Variants in VPS35L observed in about 807,000 individuals in gnomAD.
VPS35L encodes VPS35 endosomal protein-sorting factor-like.
In VPS35L, 83 loss-of-function variants were observed where a neutral mutation model predicts 133.0. The observed-to-expected ratio is 0.62, with a 90% CI of 0.52 to 0.75. VPS35L has a LOEUF of 0.75. VPS35L is among the 30% of genes least tolerant of loss of function. The probability of loss-of-function intolerance (pLI) is 0.00; values close to 1 mark genes in which losing one functional copy is unlikely to be tolerated. For missense variants in VPS35L, 1,083 were observed against 1,206.8 expected, an observed-to-expected ratio of 0.90 and a Z score of 1.52; for synonymous variants, 423 against 449.9, an observed-to-expected ratio of 0.94 and a Z score of 0.76.
At chr16:19,666,022 G>A (rs1597411023) in intron 26 of VPS35L, among the ~76,000 whole-genome samples, 1 of 151,512 alleles carries the variant, frequency 6.6e-6, no homozygotes, top group Non-Finnish European at 1.5e-5. Context: ...TTTAAAATCT[G>A]ATTATTAGAT....
At chr16:19,592,770 C>G (rs979393430) in intron 8 of VPS35L, among the ~76,000 whole-genome samples, 3 of 151,254 alleles carry the variant, frequency 2.0e-5, no homozygotes, top group African/African-American at 7.3e-5. Context: ...ACTGCAACCT[C>G]TGCCTCCGGG....
At chr16:19,624,107 CTTTTTTTTTTTTTTTT>C in intron 14 of VPS35L, among the ~76,000 whole-genome samples, 1 of 65,866 alleles carries the variant, frequency 1.5e-5, no homozygotes, top group South Asian at 5.5e-4. Flanking sequence ...CCTACCAGGT[CTTTTTTTTTTTTTTTT>C]TTTTTTTTTT....
intron 27 of VPS35L, among the ~76,000 whole-genome samples, chr16:19,670,644 A>C (rs1428230237): frequency 6.6e-6 from 1 of 152,188 alleles, no homozygotes; most frequent in Non-Finnish European, 1.5e-5. Flanking sequence ...TGTTGGAAGG[A>C]TGCTGGGTTT....
chr16:19,615,643 C>G (rs1972862237), intron 12 of VPS35L, among the ~76,000 whole-genome samples: 1 of 148,776 alleles, frequency 6.7e-6, no homozygotes, highest in Non-Finnish European at 1.5e-5. Flanking sequence ...GAGCGAGACT[C>G]TGTCTCAAAA....
At chr16:19,632,152 G>A (rs555512938) in intron 18 of VPS35L, among the ~76,000 whole-genome samples, 3 of 151,620 alleles carry the variant, frequency 2.0e-5, no homozygotes, top group East Asian at 3.9e-4. Flanking sequence ...TAGTAGAGAC[G>A]GGGTTTCACC....
chr16:19,691,493 C>T lies in VPS35L; in HGVS notation c.2646+22C>T, dbSNP rs746808158. The T allele has an allele frequency of 7.6e-6, 12 of 1,569,712 alleles. No homozygotes were observed. The African/African-American group carries it at 1.4e-4, about 18-fold the overall frequency. ...CGAGGTGGGTGCCCTCTGCTGTCCT[C>T]CACCCGCCCCTTGCTCTGAAAGCAC... On this transcript the variant is annotated intron_variant, in intron 29 of 30. Coordinates refer to ENST00000417362, the MANE Select transcript of VPS35L (RefSeq NM_020314.7).
At chr16:19,661,071 T>C (rs114656271) in intron 26 of VPS35L, among the ~76,000 whole-genome samples, 18,958 of 136,252 alleles carry the variant, frequency 0.14, 1,965 homozygotes, top group African/African-American at 0.37. Flanking sequence ...TATTCTTATA[T>C]ATATATATAT....
At chr16:19,680,984 G>A (rs1476266576) in intron 27 of VPS35L, among the ~76,000 whole-genome samples, 2 of 150,454 alleles carry the variant, frequency 1.3e-5, no homozygotes, top group African/African-American at 2.4e-5. Context: ...GGAATGTCAG[G>A]GAAGGCCTCA....
chr16:19,689,365 C>T (rs1482467941), intron 28 of VPS35L, among the ~76,000 whole-genome samples: 1 of 151,588 alleles, frequency 6.6e-6, no homozygotes, highest in African/African-American at 2.4e-5. Context: ...CTGCCTCCTG[C>T]GTTCAAGCGA....
At chr16:19,690,292 G>T (rs1223073156) in intron 28 of VPS35L, among the ~76,000 whole-genome samples, 2 of 152,158 alleles carry the variant, frequency 1.3e-5, no homozygotes, top group African/African-American at 4.8e-5. Flanking sequence ...TATGCTCTGT[G>T]TGAAGTTCAG....
chr16:19,645,751 G>A (rs1420996056), intron 23 of VPS35L, among the ~76,000 whole-genome samples: 1 of 152,128 alleles, frequency 6.6e-6, no homozygotes, highest in African/African-American at 2.4e-5. Flanking sequence ...CATGGGTCGT[G>A]GCCCCAAGCA....
At chr16:19,614,717 AGTT>A (rs770935886) in intron 12 of VPS35L, among the ~76,000 whole-genome samples, 8 of 152,098 alleles carry the variant, frequency 5.3e-5, no homozygotes, top group Non-Finnish European at 1.0e-4. Flanking sequence ...CAGCCTACGA[AGTT>A]GTTTTTGCGG....
intron 26 of VPS35L, among the ~76,000 whole-genome samples, chr16:19,667,321 G>A (rs1974727023): frequency 6.6e-6 from 1 of 152,094 alleles, no homozygotes; most frequent in Non-Finnish European, 1.5e-5. Flanking sequence ...ACCCTTTCTG[G>A]AAGGTTTCTC....
At chr16:19,689,535 A>G (rs1318697800) in intron 28 of VPS35L, among the ~76,000 whole-genome samples, 2 of 151,960 alleles carry the variant, frequency 1.3e-5, no homozygotes, top group Non-Finnish European at 1.5e-5. Flanking sequence ...GCCTCTCACA[A>G]TGCTCAGATT....
At chr16:19,631,052 C>G (rs1205124096) in intron 18 of VPS35L, among the ~76,000 whole-genome samples, 2 of 151,990 alleles carry the variant, frequency 1.3e-5, no homozygotes, top group Non-Finnish European at 2.9e-5. Context: ...TGCTCACTGT[C>G]CCCTTCCATC....
chr16:19,647,082 TC>T (rs1377591089), intron 23 of VPS35L, among the ~76,000 whole-genome samples: 2 of 152,224 alleles, frequency 1.3e-5, no homozygotes, highest in Non-Finnish European at 2.9e-5. Context: ...GGGTAAAATA[TC>T]AATTTTGATG....
At chr16:19,698,562 G>A (rs1975997783) in intron 29 of VPS35L, among the ~76,000 whole-genome samples, 1 of 152,162 alleles carries the variant, frequency 6.6e-6, no homozygotes, top group Admixed American at 6.5e-5. Context: ...TTCTATCATG[G>A]GCGGTTAGGA....
At chr16:19,611,192 G>A (rs1399027217) in intron 12 of VPS35L, among the ~76,000 whole-genome samples, 1 of 152,100 alleles carries the variant, frequency 6.6e-6, no homozygotes, top group African/African-American at 2.4e-5. Context: ...TAGAGATGGG[G>A]TTTCACCATG....
In VPS35L at chr16:19,639,883, C is replaced by A; in HGVS notation, c.1699-132C>A. The A allele has an allele frequency of 4.2e-6, 3 of 713,478 alleles. No homozygotes were observed. Among genetic ancestry groups the A allele is most frequent in the Non-Finnish European group, 6.9e-6 (3 of 432,114 alleles). 44.2% of individuals were successfully genotyped at this position (713,478 alleles called of 1,614,324 possible). A position where few individuals can be genotyped will look rare whatever the true frequency, so the allele number is the denominator to read the frequency against. On this transcript the variant is annotated intron_variant, in intron 20 of 30. Transcript: ENST00000417362. This position sits in a 1 kb window ranked among gnomAD's most constrained non-coding sequence, Gnocchi z 4.1. ...GTCCTCTCCCTGATTTCAGAGGAGT[C>A]CTCATCTGACCCGACTCAGAGAGAT...
Sources: allele counts gnomAD v4.1 joint callset (sites outside exome capture counted in the v4.1 genomes callset), GRCh38; gene constraint gnomAD v4.1.1; non-coding constraint Gnocchi (gnomAD v3.1); transcripts MANE v1.5; gene names NCBI Gene and HGNC (gene_info 2026-07-23, HGNC 2026-07-21).